The following DDX60 variants were observed in gnomAD, a reference collection of about 807,000 sequenced individuals.
DDX60 encodes the protein DExD/H-box helicase 60.
In DDX60, 165 loss-of-function variants were observed where a neutral mutation model predicts 212.8. The ratio of observed to expected loss-of-function variants is 0.78; its 90% confidence interval spans 0.68 to 0.88. The LOEUF is 0.88. Ranked by LOEUF, DDX60 falls within the 40% of genes least tolerant of loss-of-function variation. The pLI, the probability that DDX60 is intolerant of heterozygous loss-of-function variation, is 0.00. For synonymous variants in DDX60, 703 were observed against 685.3 expected, an observed-to-expected ratio of 1.03 and a Z score of -0.40; for missense variants, 1,905 against 2,003.9, an observed-to-expected ratio of 0.95 and a Z score of 0.94.
rs578157074 is a variant in DDX60 at position 168,244,764 on chromosome 4, A to G, written c.4164+1654T>C. Reference sequence around the variant, plus strand: ...AAAAGAAAGAAAAAAAAAGAATTTCAGGAAAACAAAAGTCCAGTAGTAGCA... The same window carrying G: ...AAAAGAAAGAAAAAAAAAGAATTTCGGGAAAACAAAAGTCCAGTAGTAGCA... On this transcript the variant is annotated intron_variant, in intron 30 of 37. Coordinates refer to ENST00000393743, the MANE Select transcript of DDX60 (RefSeq NM_017631.6). Among the ~76,000 whole-genome samples the G allele has an allele frequency of 2.3e-4, 35 of 152,184 alleles. 1 individual carries two copies. In the East Asian group the frequency reaches 5.4e-3, roughly 24 times the overall value.
At chr4:168,276,280 T>G in intron 14 of DDX60, 99 bp from the exon 15 acceptor site, 2 of 971,432 alleles carry the variant, frequency 2.1e-6, no homozygotes, top group Non-Finnish European at 3.0e-6. Context: ...ACTATCTCAC[T>G]TGGCATTAGT....
chr4:168,297,402 AAGAC>A (rs1400098766), intron 6 of DDX60, among the ~76,000 whole-genome samples: 7 of 146,998 alleles, frequency 4.8e-5, no homozygotes, highest in East Asian at 1.9e-4. Context: ...GAAAGAAAGA[AAGAC>A]AATAAATAAT....
chr4:168,252,448 C>T, intron 27 of DDX60, 61 bp downstream of exon 27: 1 of 1,595,812 alleles, frequency 6.3e-7, no homozygotes. Context: ...TTATCTACAA[C>T]TAACAAGCTA....
At chr4:168,251,829 T>C (rs948338753) in intron 27 of DDX60, among the ~76,000 whole-genome samples, 1 of 152,202 alleles carries the variant, frequency 6.6e-6, no homozygotes, top group Non-Finnish European at 1.5e-5. Context: ...TATGTAAGTT[T>C]GTATGTGTAT....
At chr4:168,293,712 A>T (rs1205020470) in intron 7 of DDX60, 75 bp downstream of exon 7, 1 of 1,273,288 alleles carries the variant, frequency 7.9e-7, no homozygotes, top group Non-Finnish European at 1.1e-6. Flanking sequence ...AATAGAGGAA[A>T]TGAAAGATAC....
At chr4:168,305,686 C>T (rs947263271) in intron 5 of DDX60, among the ~76,000 whole-genome samples, 7 of 148,880 alleles carry the variant, frequency 4.7e-5, no homozygotes, top group African/African-American at 7.4e-5. Flanking sequence ...TAAATATATC[C>T]GTATGCATAT....
chr4:168,284,840 C>T lies in DDX60; in HGVS notation c.1541G>A (p.Arg514Lys), dbSNP rs962534336. 1.9e-6 allele frequency: 3 copies of T among 1,556,922 alleles called. No individual in the cohort carries two copies. Among genetic ancestry groups the T allele is most frequent in the African/African-American group, 2.7e-5 (2 of 74,100 alleles). The change falls in exon 12 of 38, where the codon AGG becomes AAG. Residue 514 changes from arginine to lysine, a missense_variant. Coordinates refer to ENST00000393743, the MANE Select transcript of DDX60 (RefSeq NM_017631.6). ...CTTACCATCAAACTGACACCTGGAC[C>T]TGTCATAATCATCACTCAGGGGTTT... The part of the protein sequence containing the change: ...SHKPLSDDYD[R>K]SRCQFDEKSR...
Position 168,278,261 on chromosome 4 carries a change from A to T in DDX60, c.1978+2074T>A, listed in dbSNP as rs538985968. On this transcript the variant is annotated intron_variant, in intron 14 of 37. Transcript: ENST00000393743. Reference sequence around the variant, plus strand: ...TTTATCCATGAAGTTGTGAAGAAGAAAAAAGAAATCCGTGCTAGTTTTGCT... The same window carrying T: ...TTTATCCATGAAGTTGTGAAGAAGATAAAAGAAATCCGTGCTAGTTTTGCT... Among the ~76,000 whole-genome samples, 9 of 152,360 alleles carry T rather than the reference A, an allele frequency of 5.9e-5. No homozygotes were observed. In the South Asian group the frequency reaches 1.9e-3, roughly 32 times the overall value.
chr4:168,224,030 G>A (rs10013427), intron 35 of DDX60, among the ~76,000 whole-genome samples: 4,147 of 152,020 alleles, frequency 0.027, 193 homozygotes, highest in African/African-American at 0.094. Flanking sequence ...GTGGTGCCTG[G>A]AAACTCTCTG....
In DDX60 at chr4:168,251,099, T is replaced by G; in HGVS notation, c.3713A>C (p.Gln1238Pro). 6.2e-7 allele frequency: 1 copy of G among 1,610,368 alleles called. No individual in the cohort carries two copies. ...DQKAVDTETL[Q>P]KVFGRVKFER... ...AAATTTTACTCGACCAAATACCTTC[T>G]GCAAAGTCTAAAAGAAGCAAGACAT... Residue 1238 changes from glutamine to proline, a missense_variant, in exon 28 of 38, where the codon CAG becomes CCG. Transcript: ENST00000393743.
chr4:168,313,066 C>A (rs1737210894), intron 1 of DDX60, among the ~76,000 whole-genome samples: 1 of 152,052 alleles, frequency 6.6e-6, no homozygotes, highest in Non-Finnish European at 1.5e-5. Context: ...TTGTACAACC[C>A]AGTGTAAGTT....
rs749903327 is a variant in DDX60 at position 168,236,352 on chromosome 4, T to A, written c.4433A>T (p.Asp1478Val). The A allele has an allele frequency of 1.9e-6, 3 of 1,606,302 alleles. No individual in the cohort carries two copies. The highest frequency in any genetic ancestry group is 2.5e-6 in the Non-Finnish European group (3 of 1,176,608). ...TACTAATACTAGCTTTTCCATAACG[T>A]CTTGAGAAAAATGTTTTGAGCCTAT... ...TRKGSKHFSQ[D>V]VMEKLVLVLA... Residue 1478 changes from aspartate to valine, a missense_variant, in exon 33 of 38, where the codon GAC becomes GTC. Coordinates refer to ENST00000393743, the MANE Select transcript of DDX60 (RefSeq NM_017631.6).
intron 22 of DDX60, among the ~76,000 whole-genome samples, chr4:168,267,085 C>T (rs1037399625): frequency 3.9e-5 from 6 of 152,160 alleles, no homozygotes; most frequent in African/African-American, 1.4e-4. Context: ...TTTCCCCACT[C>T]ACACCCCGGT....
intron 22 of DDX60, among the ~76,000 whole-genome samples, chr4:168,264,024 T>C (rs148446579): frequency 3.5e-4 from 53 of 152,262 alleles, no homozygotes; most frequent in Non-Finnish European, 6.2e-4. Flanking sequence ...AAATAGCTAT[T>C]AATATGTTTT....
chr4:168,311,095 G>A (rs202153424), intron 2 of DDX60, 28 bp from the exon 3 acceptor site: 4 of 1,465,994 alleles, frequency 2.7e-6, no homozygotes, highest in Non-Finnish European at 3.8e-6. Context: ...GAGAGAAAGA[G>A]AATGGGTTAT....
At chr4:168,229,320 T>C (rs554958351) in intron 33 of DDX60, among the ~76,000 whole-genome samples, 2 of 151,996 alleles carry the variant, frequency 1.3e-5, no homozygotes, top group Non-Finnish European at 2.9e-5. Context: ...AATATAGGTG[T>C]AGAGGAAGCA....
Position 168,260,168 on chromosome 4 carries a change from G to A in DDX60, c.3398+697C>T, listed in dbSNP as rs374495249. On this transcript the variant is annotated intron_variant, in intron 25 of 37. Transcript: ENST00000393743. ...CTAGGGTACATGTGCACAATGTGCA[G>A]GTTTGTTACACATGTATACATGTGC... Among the ~76,000 whole-genome samples, 7 of 152,052 alleles carry A rather than the reference G, an allele frequency of 4.6e-5. No homozygotes were observed. In the East Asian group the frequency reaches 1.4e-3, roughly 29 times the overall value.
At chr4:168,249,952 A>T (rs1734156255) in intron 28 of DDX60, among the ~76,000 whole-genome samples, 1 of 152,176 alleles carries the variant, frequency 6.6e-6, no homozygotes, top group African/African-American at 2.4e-5. Flanking sequence ...TGAATGTAAT[A>T]TATGTCATAC....
Position 168,288,201 on chromosome 4 carries a change from A to G in DDX60, c.1156T>C (p.Phe386Leu). 1 of 1,505,152 alleles carries G rather than the reference A, an allele frequency of 6.6e-7. No individual in the cohort carries two copies. The highest frequency in any genetic ancestry group is 1.4e-5 in the African/African-American group (1 of 70,526). The allele number at this position is 1,505,152 out of a possible 1,614,324, so 93.2% of individuals were successfully genotyped here. ...TTTACATTTTCATTTTCATAGTAAAAAGCAATATTCTTCAACAAAAGCTCA... is the reference window on the plus strand; with the variant it reads ...TTTACATTTTCATTTTCATAGTAAAGAGCAATATTCTTCAACAAAAGCTCA... Reference protein sequence around the residue: ...NDELLLKNIAFYYENENVKGL... With the variant: ...NDELLLKNIALYYENENVKGL... Residue 386 changes from phenylalanine (F) to leucine (L), a missense_variant, in exon 9 of 38, where the codon TTT becomes CTT. Phe to Leu is a conservative substitution (Grantham distance 22). Transcript: ENST00000393743.
Sources: gnomAD v4.1 joint callset for allele counts (sites outside exome capture counted in the v4.1 genomes callset) on GRCh38, gnomAD v4.1.1 for gene constraint, MANE v1.5 for transcripts, NCBI Gene and HGNC (gene_info 2026-07-23, HGNC 2026-07-21) for gene names.